The following ZNF208 variants were observed in gnomAD, a reference collection of about 807,000 sequenced individuals.
ZNF208 encodes zinc finger protein 208.
ZNF208 carries 10 observed loss-of-function variants against 12.1 expected under a neutral mutation model. The observed-to-expected ratio is 0.83, with a 90% CI of 0.51 to 1.40. The LOEUF (loss-of-function observed/expected upper bound fraction) is 1.40. Among genes scored for constraint, ZNF208 ranks in the 40% most tolerant of loss-of-function variants. The pLI is 0.00. For synonymous variants in ZNF208, 497 were observed against 488.4 expected, an observed-to-expected ratio of 1.02 and a Z score of -0.23; for missense variants, 1,652 against 1,485.0, an observed-to-expected ratio of 1.11 and a Z score of -1.85.
chr19:21,977,969 G>A (rs1970464210), intron 3 of ZNF208, among the ~76,000 whole-genome samples: 1 of 152,164 alleles, frequency 6.6e-6, no homozygotes, highest in African/African-American at 2.4e-5. Context: ...CCACCCGGAA[G>A]ATTGAACTGG....
At chr19:22,006,983 A>G (rs1430729681) in intron 1 of ZNF208, among the ~76,000 whole-genome samples, 1 of 152,180 alleles carries the variant, frequency 6.6e-6, no homozygotes, top group Admixed American at 6.5e-5. Flanking sequence ...ATTTACCATT[A>G]AACTCAGAAA....
In ZNF208 at chr19:21,987,072, G is replaced by C. The variant is rs1478817204; in HGVS notation, c.226+144C>G. 5.0e-6 allele frequency: 4 copies of C among 793,578 alleles called. No homozygotes were observed. In the African/African-American group the frequency reaches 7.2e-5, roughly 14 times the overall value. The allele number at this position is 793,578 out of a possible 1,614,324, so 49.2% of individuals were successfully genotyped here. A position where few individuals can be genotyped will look rare whatever the true frequency, so the allele number is the denominator to read the frequency against. On this transcript the variant is annotated intron_variant, in intron 3 of 3. Coordinates refer to ENST00000397126, the MANE Select transcript of ZNF208 (RefSeq NM_007153.3). ...TAAGACCGAAGATGCCCCTGTGTGA[G>C]AGAAAATTAAAGAATAAAAATAAAA... is the stretch of plus-strand genomic sequence containing the variant.
Position 21,972,144 on chromosome 19 carries a change from TATG to T in ZNF208, c.2887_2889del (p.His963del), listed in dbSNP as rs759422194. 6.2e-6 allele frequency: 10 copies of T among 1,610,774 alleles called. No homozygotes were observed. In the East Asian group the frequency reaches 6.7e-5, roughly 11 times the overall value. ...GGTTTCTCTTCAGTATGAATTTTCT[TATG>T]ATAACTAAGGGTTGAGGATGACTTA... On this transcript the variant is annotated inframe_deletion, in exon 4 of 4. Transcript: ENST00000397126.
chr19:21,971,735 A>C lies in ZNF208; in HGVS notation c.3299T>G (p.Leu1100Arg). Residue 1100 changes from leucine (L) to arginine (R), a missense_variant, in exon 4 of 4, where the codon CTT (leucine) becomes CGT (arginine). Around this residue, in one of 3 missense-constraint regions of ZNF208, gnomAD observed 1,239 missense variants for 1,086.2 expected, o/e 1.14. Transcript: ENST00000397126. ...CGKAFNWSSNLMEHKRIHTGE... is the reference protein window; with the variant it reads ...CGKAFNWSSNRMEHKRIHTGE... ...AGTATGAATTCTCTTATGTTCCATA[A>C]GGTTTGAGGACCAGTTGAAAGCTTT... 1 of 1,613,964 alleles carries C rather than the reference A, an allele frequency of 6.2e-7. No homozygotes were observed. Among genetic ancestry groups the C allele is most frequent in the Non-Finnish European group, 8.5e-7 (1 of 1,179,970 alleles).
intron 3 of ZNF208, among the ~76,000 whole-genome samples, chr19:21,983,458 T>C (rs1431522897): frequency 1.3e-5 from 2 of 152,126 alleles, no homozygotes; most frequent in Non-Finnish European, 2.9e-5. Flanking sequence ...TCCTCAAGGA[T>C]CTAGAACTAG....
Position 21,972,278 on chromosome 19 carries a change from C to T in ZNF208, c.2756G>A (p.Cys919Tyr), listed in dbSNP as rs759509096. Residue 919 changes from cysteine to tyrosine, a missense_variant, in exon 4 of 4, where the codon TGT becomes TAT. Cys to Tyr is a radical substitution (Grantham distance 194, BLOSUM62 -2). Coordinates refer to ENST00000397126, the MANE Select transcript of ZNF208 (RefSeq NM_007153.3). ...VIHTGEKPYK[C>Y]EECGKAFSWL... ...GCTGAAGGCTTTGCCACATTCTTCA[C>T]ATTTGTAGGGTTTCTCTCCAGTATG... 56 of 1,613,786 alleles carry T rather than the reference C, an allele frequency of 3.5e-5. 2 individuals are homozygous for T. In the South Asian group the frequency reaches 5.9e-4, roughly 17 times the overall value.
intron 1 of ZNF208, among the ~76,000 whole-genome samples, chr19:22,008,602 A>G (rs778849019): frequency 6.7e-6 from 1 of 149,808 alleles, no homozygotes; most frequent in African/African-American, 2.5e-5. Flanking sequence ...ACTTTTTACC[A>G]TTTTTATTTC....
rs1369337076 is a variant in ZNF208 at position 21,974,920 on chromosome 19, T to C, written c.227-113A>G. Reference sequence around the variant, plus strand: ...CTACATAAGCAAGATGACACTGCAATATGACACAGGCCCTAATTCTTCATA... The same window carrying C: ...CTACATAAGCAAGATGACACTGCAACATGACACAGGCCCTAATTCTTCATA... On this transcript the variant is annotated intron_variant, in intron 3 of 3. Transcript: ENST00000397126. The C allele has an allele frequency of 2.4e-6, 3 of 1,253,856 alleles. No homozygotes were observed. The African/African-American group carries it at 4.5e-5, about 19-fold the overall frequency. 77.7% of individuals were successfully genotyped at this position (1,253,856 alleles called of 1,614,324 possible). A position where few individuals can be genotyped will look rare whatever the true frequency, so the allele number is the denominator to read the frequency against.
In ZNF208 at chr19:21,971,410, C is replaced by G; in HGVS notation, c.3624G>C (p.Trp1208Cys). ...KCEECGKAYK[W>C]PSTLRYHKKI... Reference sequence around the variant, plus strand: ...TCTTGTGATATCTAAGGGTTGAGGGCCACTTATAGGCTTTGCCACATTCTT... The same window carrying G: ...TCTTGTGATATCTAAGGGTTGAGGGGCACTTATAGGCTTTGCCACATTCTT... The change falls in exon 4 of 4, where the codon TGG becomes TGC. Residue 1208 changes from tryptophan to cysteine, a missense_variant. Coordinates refer to ENST00000397126, the MANE Select transcript of ZNF208 (RefSeq NM_007153.3). 1 of 1,609,672 alleles carries G rather than the reference C, an allele frequency of 6.2e-7. No individual in the cohort carries two copies. The highest frequency in any genetic ancestry group is 8.5e-7 in the Non-Finnish European group (1 of 1,179,280).
Position 21,988,862 on chromosome 19 carries a change from C to T in ZNF208, c.51G>A (p.Glu17=), listed in dbSNP as rs1568451902. 1 of 1,614,100 alleles carries T rather than the reference C, an allele frequency of 6.2e-7. No homozygotes were observed. Among genetic ancestry groups the T allele is most frequent in the Middle Eastern group, 1.6e-4 (1 of 6,062 alleles). ...RDVAIEFSLE[E]WQCLDTAQQN... is the part of the protein sequence containing the mutation. ...GCTGTGCAGTGTCCAGGCATTGCCA[C>T]TCCTCCAGAGAGAATTCTATGGCCA... The change falls in exon 2 of 4, where the codon GAG becomes GAA. Residue 17 remains glutamate, a synonymous_variant. Transcript: ENST00000397126.
At chr19:21,977,548 G>C (rs762059886) in intron 3 of ZNF208, among the ~76,000 whole-genome samples, 23 of 152,196 alleles carry the variant, frequency 1.5e-4, no homozygotes, top group Non-Finnish European at 2.5e-4. Context: ...CTCCAGCCCA[G>C]ATACTGTGCT....
intron 4 of ZNF208, among the ~76,000 whole-genome samples, chr19:21,956,185 C>G (rs1969972739): frequency 6.6e-6 from 1 of 152,188 alleles, no homozygotes; most frequent in South Asian, 2.1e-4. Flanking sequence ...GCTGCCTGAT[C>G]CTTCCTCTGG....
At chr19:22,008,172 G>A (rs1971081496) in intron 1 of ZNF208, among the ~76,000 whole-genome samples, 1 of 148,054 alleles carries the variant, frequency 6.8e-6, no homozygotes, top group Non-Finnish European at 1.5e-5. Flanking sequence ...GTGTGGTGGT[G>A]CACACCTGTA....
chr19:21,963,416 A>T (rs1485091976), downstream of ZNF208, among the ~76,000 whole-genome samples: 1 of 152,078 alleles, frequency 6.6e-6, no homozygotes, highest in Non-Finnish European at 1.5e-5. Context: ...AAAACTTTTC[A>T]TAACATTGAA....
At chr19:21,975,170 G>A (rs1970406092) in intron 3 of ZNF208, among the ~76,000 whole-genome samples, 1 of 151,994 alleles carries the variant, frequency 6.6e-6, no homozygotes, top group Non-Finnish European at 1.5e-5. Flanking sequence ...GTTTTGTTTT[G>A]TTTTGTTCTG....
At chr19:22,002,106 TATCTCAATA>T (rs1370786234) in intron 1 of ZNF208, among the ~76,000 whole-genome samples, 1 of 152,028 alleles carries the variant, frequency 6.6e-6, no homozygotes, top group Non-Finnish European at 1.5e-5. Context: ...AGCACAAGAT[TATCTCAATA>T]GATGCACAAA....
At chr19:21,991,896 T>C (rs1970744502) in intron 1 of ZNF208, among the ~76,000 whole-genome samples, 1 of 152,202 alleles carries the variant, frequency 6.6e-6, no homozygotes, top group African/African-American at 2.4e-5. Context: ...CAGATTTTTT[T>C]TTTCCAGAAG....
At chr19:22,001,638 C>T (rs1466177394) in intron 1 of ZNF208, among the ~76,000 whole-genome samples, 2 of 151,832 alleles carry the variant, frequency 1.3e-5, no homozygotes, top group African/African-American at 4.8e-5. Context: ...GCCTGTAATC[C>T]CAGAACTTTG....
intron 4 of ZNF208, among the ~76,000 whole-genome samples, chr19:21,957,803 G>T (rs1306964477): frequency 6.6e-6 from 1 of 151,982 alleles, no homozygotes; most frequent in African/African-American, 2.4e-5. Context: ...TCAGTCTATT[G>T]TGAGTAGCTT....
Sources: allele counts gnomAD v4.1 joint callset (sites outside exome capture counted in the v4.1 genomes callset), GRCh38; gene constraint gnomAD v4.1.1; regional missense constraint gnomAD v4.1.1; transcripts MANE v1.5; gene names NCBI Gene and HGNC (gene_info 2026-07-23, HGNC 2026-07-21).